SOS1: variants seen among roughly 807,000 people sequenced by gnomAD.
SOS1 encodes the protein son of sevenless homolog 1.
A neutral mutation model predicts 157.6 loss-of-function variants in SOS1; 25 were observed. The observed-to-expected ratio is 0.16, with a 90% CI of 0.12 to 0.22. The LOEUF is 0.22. Ranked by LOEUF, SOS1 falls within the 10% of genes least tolerant of loss-of-function variation. SOS1 has a pLI of 1.00. For missense variants in SOS1, 1,237 were observed against 1,599.1 expected, an observed-to-expected ratio of 0.77 and a Z score of 3.86; for synonymous variants, 528 against 534.0, an observed-to-expected ratio of 0.99 and a Z score of 0.16.
At position 39,006,395 on chromosome 2, in the gene SOS1, C is replaced by G; in HGVS notation, c.2791+17G>C. ...TTTATCCAGAAATGCAATAAAAATT[C>G]AGAAAGAAATACTTACCAAAGAAAG... On this transcript the variant is annotated intron_variant, in intron 17 of 22. Coordinates refer to ENST00000402219, the MANE Select transcript of SOS1 (RefSeq NM_005633.4). 8.6e-7 allele frequency: 1 copy of G among 1,166,626 alleles called. No homozygotes were observed. The highest frequency in any genetic ancestry group is 1.5e-5 in the African/African-American group (1 of 66,352). 72.3% of individuals were successfully genotyped at this position (1,166,626 alleles called of 1,614,324 possible). A position where few individuals can be genotyped will look rare whatever the true frequency, so the allele number is the denominator to read the frequency against.
At chr2:38,994,102 T>C (rs1216229315) in intron 20 of SOS1, among the ~76,000 whole-genome samples, 1 of 151,866 alleles carries the variant, frequency 6.6e-6, no homozygotes, top group Non-Finnish European at 1.5e-5. Context: ...AGATGTGCTG[T>C]AAGTGTAAAA....
intron 1 of SOS1, among the ~76,000 whole-genome samples, chr2:39,087,529 C>A (rs1337567785): frequency 6.6e-6 from 1 of 152,140 alleles, no homozygotes; most frequent in Non-Finnish European, 1.5e-5. Context: ...GTAATCAGAT[C>A]TATCTTGGAC....
intron 1 of SOS1, among the ~76,000 whole-genome samples, chr2:39,088,796 A>G (rs1402947173): frequency 6.6e-6 from 1 of 152,148 alleles, no homozygotes; most frequent in Non-Finnish European, 1.5e-5. Context: ...TGGTGTACAA[A>G]TATCTGTTCA....
intron 1 of SOS1, among the ~76,000 whole-genome samples, chr2:39,084,522 G>A (rs1039906254): frequency 1.3e-5 from 2 of 151,974 alleles, no homozygotes; most frequent in Admixed American, 6.6e-5. Context: ...AGAAGAAAAA[G>A]GGGGAAAGAA....
intron 8 of SOS1, among the ~76,000 whole-genome samples, chr2:39,029,716 TACA>T (rs1297054095): frequency 1.3e-5 from 2 of 152,210 alleles, no homozygotes; most frequent in Non-Finnish European, 2.9e-5. Context: ...GCTGTTTGTT[TACA>T]ATGGCTCCTG....
chr2:39,035,331 A>G, intron 7 of SOS1, 21 bp from the exon 8 acceptor site: 1 of 1,558,984 alleles, frequency 6.4e-7, no homozygotes, highest in Non-Finnish European at 8.8e-7. Context: ...AAGTGATTTA[A>G]TTTTTTTTTT....
intron 4 of SOS1, among the ~76,000 whole-genome samples, chr2:39,056,035 G>A (rs1262025663): frequency 1.3e-5 from 2 of 152,116 alleles, no homozygotes; most frequent in African/African-American, 4.8e-5. Flanking sequence ...AGAAAGCTAG[G>A]TGCTGAAGTA....
At chr2:38,988,528 TCA>T (rs1460685464) in intron 21 of SOS1, among the ~76,000 whole-genome samples, 9 of 152,262 alleles carry the variant, frequency 5.9e-5, no homozygotes, top group African/African-American at 1.9e-4. Flanking sequence ...TTTTATTTTG[TCA>T]CATGTTATAA....
chr2:39,109,326 T>A (rs1307089507), intron 1 of SOS1, among the ~76,000 whole-genome samples: 1 of 152,244 alleles, frequency 6.6e-6, no homozygotes, highest in Non-Finnish European at 1.5e-5. Flanking sequence ...CTCAGCCAGT[T>A]CCTTTATGGT....
At chr2:38,991,109 T>A (rs1668718834) in intron 20 of SOS1, among the ~76,000 whole-genome samples, 1 of 151,734 alleles carries the variant, frequency 6.6e-6, no homozygotes. Flanking sequence ...GGCCTACATA[T>A]TTTTTTTAAG....
intron 1 of SOS1, among the ~76,000 whole-genome samples, chr2:39,103,675 A>C (rs1447057718): frequency 1.3e-5 from 2 of 152,230 alleles, no homozygotes; most frequent in African/African-American, 4.8e-5. Flanking sequence ...ATAAGAGCTA[A>C]AACCATAAAT....
intron 4 of SOS1, among the ~76,000 whole-genome samples, chr2:39,055,697 G>A (rs976664533): frequency 3.3e-5 from 5 of 152,122 alleles, no homozygotes; most frequent in Admixed American, 2.0e-4. Context: ...AGAGTATAAT[G>A]AGGAAAATGG....
At chr2:38,995,438 G>T in intron 19 of SOS1, 51 bp from the exon 20 acceptor site, 1 of 1,502,786 alleles carries the variant, frequency 6.7e-7, no homozygotes, top group Non-Finnish European at 9.3e-7. Flanking sequence ...TAGTAGAAAG[G>T]AAAGTTTTTC....
chr2:39,045,201 G>C (rs1170335274), intron 6 of SOS1, among the ~76,000 whole-genome samples: 4 of 150,792 alleles, frequency 2.7e-5, no homozygotes, highest in Non-Finnish European at 5.9e-5. Flanking sequence ...GGAAGCCATG[G>C]ATATGGAGGG....
At chr2:39,114,653 G>A (rs940896923) in intron 1 of SOS1, among the ~76,000 whole-genome samples, 3 of 152,126 alleles carry the variant, frequency 2.0e-5, no homozygotes, top group Middle Eastern at 3.4e-3. Flanking sequence ...CACCCAGGCT[G>A]GAGTACAGTG....
chr2:39,025,426 T>C (rs1669924542), intron 8 of SOS1, among the ~76,000 whole-genome samples: 1 of 151,966 alleles, frequency 6.6e-6, no homozygotes, highest in African/African-American at 2.4e-5. Flanking sequence ...CTCAGCTCAC[T>C]GCAACCTCTG....
intron 1 of SOS1, among the ~76,000 whole-genome samples, chr2:39,105,127 A>G (rs2148212933): frequency 6.6e-6 from 1 of 152,344 alleles, no homozygotes; most frequent in East Asian, 1.9e-4. Context: ...CAGTAAGTGC[A>G]TTCCATTACA....
chr2:39,061,633 C>G (rs1671408786), intron 2 of SOS1, among the ~76,000 whole-genome samples: 1 of 152,182 alleles, frequency 6.6e-6, no homozygotes, highest in Non-Finnish European at 1.5e-5. Flanking sequence ...AGTGATCCTT[C>G]TGCCTTGGCC....
rs1350712451 is a variant in SOS1 at position 38,983,602 on chromosome 2, G to A, written c.*2222C>T. 4 of 152,090 alleles carry A rather than the reference G, an allele frequency of 2.6e-5. No individual in the cohort carries two copies. The highest frequency in any genetic ancestry group is 3.9e-4 in the East Asian group (2 of 5,194). The allele number at this position is 152,090 out of a possible 1,614,324, so 9.4% of individuals were successfully genotyped here. On this transcript the variant is annotated 3_prime_UTR_variant, in exon 23 of 23. Transcript: ENST00000402219. ...CTTATTGAAGGCTAACACATTAGCC[G>A]AAGACATACTGAAGGGGGTCCAATG... is the stretch of plus-strand genomic sequence containing the variant.
Sources: gnomAD v4.1 joint callset for allele counts (sites outside exome capture counted in the v4.1 genomes callset) on GRCh38, gnomAD v4.1.1 for gene constraint, MANE v1.5 for transcripts, NCBI Gene and HGNC (gene_info 2026-07-23, HGNC 2026-07-21) for gene names.